Variants in SEC23A observed in about 807,000 individuals in gnomAD.
SEC23A encodes the protein protein transport protein Sec23A.
In SEC23A, 56 loss-of-function variants were observed where a neutral mutation model predicts 103.7. The ratio of observed to expected loss-of-function variants is 0.54; its 90% confidence interval spans 0.44 to 0.67. The LOEUF (loss-of-function observed/expected upper bound fraction) is 0.67. Ranked by LOEUF, SEC23A falls within the 30% of genes least tolerant of loss-of-function variation. The probability of loss-of-function intolerance (pLI) is 0.00; values close to 1 mark genes in which losing one functional copy is unlikely to be tolerated. For missense variants in SEC23A, 784 were observed against 936.4 expected, an observed-to-expected ratio of 0.84 and a Z score of 2.12; for synonymous variants, 281 against 293.0, an observed-to-expected ratio of 0.96 and a Z score of 0.42.
chr14:39,080,433 G>T (rs1329638854), intron 7 of SEC23A, among the ~76,000 whole-genome samples: 1 of 152,152 alleles, frequency 6.6e-6, no homozygotes, highest in Non-Finnish European at 1.5e-5. Flanking sequence ...TTGAGACAGA[G>T]TCTTGCTCTG....
intron 8 of SEC23A, among the ~76,000 whole-genome samples, chr14:39,074,951 T>TA (rs922633764): frequency 2.6e-5 from 4 of 151,552 alleles, no homozygotes; most frequent in Admixed American, 1.3e-4. Flanking sequence ...ACTAAAAATA[T>TA]AAAAAATTAG....
chr14:39,055,409 G>GAT, intron 13 of SEC23A, 113 bp from the exon 14 acceptor site: 1 of 940,952 alleles, frequency 1.1e-6, no homozygotes, highest in Non-Finnish European at 1.5e-6. Flanking sequence ...AAACTACTAG[G>GAT]ATTTTTTTTT....
chr14:39,094,766 GGAGT>G (rs1887829774), intron 2 of SEC23A: 1 of 460,628 alleles, frequency 2.2e-6, no homozygotes, highest in Non-Finnish European at 3.8e-6. Context: ...TGTCAAGGTA[GGAGT>G]AAGTTTGGTA....
At chr14:39,091,125 A>T (rs1387378223) in intron 5 of SEC23A, 3 of 377,148 alleles carry the variant, frequency 8.0e-6, no homozygotes, top group Non-Finnish European at 1.5e-5. Context: ...CATGTTCAAT[A>T]AAAAAGCTGA....
At chr14:39,068,889 T>G (rs1400110083) in intron 9 of SEC23A, among the ~76,000 whole-genome samples, 3 of 152,182 alleles carry the variant, frequency 2.0e-5, no homozygotes, top group Non-Finnish European at 4.4e-5. Flanking sequence ...TATTAGAAAT[T>G]GTATCCTTTT....
chr14:39,072,071 TA>T (rs1354941419), intron 9 of SEC23A, among the ~76,000 whole-genome samples: 1 of 151,658 alleles, frequency 6.6e-6, no homozygotes, highest in Non-Finnish European at 1.5e-5. Context: ...CTGTCTCTAC[TA>T]AAAATACAAA....
chr14:39,065,354 C>T (rs917881959), intron 10 of SEC23A, among the ~76,000 whole-genome samples: 4 of 152,028 alleles, frequency 2.6e-5, no homozygotes, highest in Admixed American at 2.0e-4. Context: ...AGATTGGTCT[C>T]CCCCCAGTCT....
chr14:39,038,350 T>C (rs78341514), intron 19 of SEC23A, among the ~76,000 whole-genome samples: 2,362 of 152,314 alleles, frequency 0.016, 47 homozygotes, highest in African/African-American at 0.046. Flanking sequence ...AGGACAAATA[T>C]CCCATTCTGC....
At chr14:39,038,924 A>C (rs912738323) in intron 19 of SEC23A, 107 bp downstream of exon 19, 1 of 985,936 alleles carries the variant, frequency 1.0e-6, no homozygotes, top group Non-Finnish European at 1.6e-6. Context: ...TTACTTTTCC[A>C]ACAGAAACCA....
chr14:39,093,209 T>G lies in SEC23A; in HGVS notation c.257A>C (p.Asn86Thr), dbSNP rs2139290608. Residue 86 changes from asparagine to threonine, a missense_variant, in exon 3 of 20, where the codon AAC (asparagine) becomes ACC (threonine). Asn to Thr is a moderately conservative substitution (Grantham distance 65). This residue lies in a region of SEC23A where 683 missense variants were observed against 774.2 expected (regional missense o/e 0.88). Transcript: ENST00000307712. ...TACCTGATTCCTTTGGTAACAAAAG[T>G]TGCAAGCCCAAAGTTTTGCTCGATA... ...VDYRAKLWAC[N>T]FCYQRNQFPP... The G allele has an allele frequency of 1.2e-6, 2 of 1,612,962 alleles. No individual in the cohort carries two copies. The highest frequency in any genetic ancestry group is 1.7e-6 in the Non-Finnish European group (2 of 1,179,800).
At chr14:39,057,895 G>A (rs1451515005) in intron 13 of SEC23A, among the ~76,000 whole-genome samples, 1 of 152,156 alleles carries the variant, frequency 6.6e-6, no homozygotes, top group Non-Finnish European at 1.5e-5. Flanking sequence ...AATCATTAGT[G>A]ATAAAAATCA....
At chr14:39,051,612 AG>A (rs1464895953) in intron 14 of SEC23A, among the ~76,000 whole-genome samples, 1 of 152,232 alleles carries the variant, frequency 6.6e-6, no homozygotes, top group Non-Finnish European at 1.5e-5. Flanking sequence ...CATCAATAAT[AG>A]ACTGGATAAA....
At chr14:39,067,783 A>C (rs1886723027) in intron 9 of SEC23A, among the ~76,000 whole-genome samples, 1 of 146,746 alleles carries the variant, frequency 6.8e-6, no homozygotes, top group Admixed American at 7.2e-5. Context: ...TCATCCTCCT[A>C]CCTCAGCCTC....
At chr14:39,050,442 T>C (rs1886017428) in intron 14 of SEC23A, among the ~76,000 whole-genome samples, 1 of 152,186 alleles carries the variant, frequency 6.6e-6, no homozygotes, top group Non-Finnish European at 1.5e-5. Context: ...AAGTGTTTCA[T>C]CCCATTGGTG....
intron 1 of SEC23A, among the ~76,000 whole-genome samples, chr14:39,102,127 G>C (rs1484389950): frequency 5.3e-5 from 8 of 152,056 alleles, no homozygotes; most frequent in Non-Finnish European, 4.4e-5. Flanking sequence ...AGCTACTCGG[G>C]AGGCTGAAGC....
At chr14:39,049,066 C>G (rs905892778) in intron 14 of SEC23A, among the ~76,000 whole-genome samples, 4 of 151,858 alleles carry the variant, frequency 2.6e-5, no homozygotes, top group Non-Finnish European at 5.9e-5. Flanking sequence ...AAAAGGCTGG[C>G]ACAGTGACTG....
At chr14:39,091,144 G>GAA in intron 5 of SEC23A, 27 of 331,032 alleles carry the variant, frequency 8.2e-5, no homozygotes, top group Non-Finnish European at 1.1e-4. Flanking sequence ...GAACTCTTAA[G>GAA]AAAAAAAAAA....
intron 7 of SEC23A, among the ~76,000 whole-genome samples, chr14:39,083,010 TGA>T (rs1312542799): frequency 6.6e-6 from 1 of 152,224 alleles, no homozygotes; most frequent in Non-Finnish European, 1.5e-5. Context: ...GAATGGGGTC[TGA>T]GAATTAGCTG....
intron 19 of SEC23A, among the ~76,000 whole-genome samples, chr14:39,036,671 A>G (rs1885473614): frequency 6.6e-6 from 1 of 152,122 alleles, no homozygotes; most frequent in Non-Finnish European, 1.5e-5. Flanking sequence ...GCTTATGATC[A>G]TATTGTCTCC....
Sources: allele counts gnomAD v4.1 joint callset (sites outside exome capture counted in the v4.1 genomes callset), GRCh38; gene constraint gnomAD v4.1.1; regional missense constraint gnomAD v4.1.1; transcripts MANE v1.5; gene names NCBI Gene and HGNC (gene_info 2026-07-23, HGNC 2026-07-21).